The following DOCK10 variants were observed in gnomAD, a reference collection of about 807,000 sequenced individuals.
The protein encoded by DOCK10 is dedicator of cytokinesis protein 10.
A neutral mutation model predicts 280.1 loss-of-function variants in DOCK10; 145 were observed. The ratio of observed to expected loss-of-function variants is 0.52; its 90% confidence interval spans 0.45 to 0.59. The LOEUF is 0.59. DOCK10 is among the 20% of genes least tolerant of loss of function. The pLI, the probability that DOCK10 is intolerant of heterozygous loss-of-function variation, is 0.00. For missense variants in DOCK10, 2,368 were observed against 2,651.7 expected (o/e 0.89, Z 2.35); for synonymous variants, 915 against 942.2 (o/e 0.97, Z 0.53).
rs150523246 is a variant in DOCK10, at chr2:224,872,069, C to G, written c.1257+1927G>C. On this transcript the variant is annotated intron_variant, in intron 11 of 55. Coordinates refer to ENST00000258390, the MANE Select transcript of DOCK10 (RefSeq NM_014689.3). ...AACCTGACTTCAACTACTTTCATTTCTACTCACACCTAGTACACAGTCAAA... is the reference window on the plus strand; with the variant it reads ...AACCTGACTTCAACTACTTTCATTTGTACTCACACCTAGTACACAGTCAAA... 5.7e-4 allele frequency among the ~76,000 whole-genome samples: 87 copies of G among 152,230 alleles called. 1 individual carries two copies. Among genetic ancestry groups the G allele is most frequent in the Non-Finnish European group, 1.1e-3 (76 of 68,010 alleles).
chr2:224,950,518 C>T (rs80069106), intron 1 of DOCK10, among the ~76,000 whole-genome samples: 6,074 of 152,172 alleles, frequency 0.04, 398 homozygotes, highest in African/African-American at 0.14. Context: ...CTGAGCCCAC[C>T]GTCTTAGCCA....
chr2:224,946,442 A>G (rs1703424338), intron 1 of DOCK10, among the ~76,000 whole-genome samples: 1 of 152,190 alleles, frequency 6.6e-6, no homozygotes, highest in Non-Finnish European at 1.5e-5. Flanking sequence ...ATATGATAAA[A>G]TAGAGCAATG....
At chr2:224,960,768 T>C (rs1010960215) in intron 1 of DOCK10, among the ~76,000 whole-genome samples, 1 of 140,816 alleles carries the variant, frequency 7.1e-6, no homozygotes. Context: ...GAGATGGAGT[T>C]TCGCTCTGTC....
rs1200537905 is a variant in DOCK10, at chr2:224,856,952, C to T, written c.1716G>A (p.Val572=). 1 of 1,611,870 alleles carries T rather than the reference C, an allele frequency of 6.2e-7. No homozygotes were observed. The highest frequency in any genetic ancestry group is 8.5e-7 in the Non-Finnish European group (1 of 1,178,682). Residue 572 remains valine, a synonymous_variant, in exon 15 of 56, where the codon GTG becomes GTA. Transcript: ENST00000258390. ...ATGGTGAAAATCTTGAGTCTCTGTC[C>T]ACATTTCCCTGGTTGTCCTTAAATA... ...RSVFKDNQGN[V]DRDSRFSPLF...
intron 27 of DOCK10, among the ~76,000 whole-genome samples, chr2:224,830,080 C>G (rs112584015): frequency 7.2e-5 from 11 of 152,206 alleles, no homozygotes; most frequent in East Asian, 1.9e-4. Flanking sequence ...TACCCTCCCC[C>G]CAGGCTGCTC....
At chr2:224,891,419 A>G (rs866510860) in intron 4 of DOCK10, among the ~76,000 whole-genome samples, 1 of 152,310 alleles carries the variant, frequency 6.6e-6, no homozygotes, top group South Asian at 2.1e-4. Context: ...TTTCCCTGAT[A>G]TTTTTGAAGA....
intron 2 of DOCK10, among the ~76,000 whole-genome samples, chr2:224,924,620 G>T (rs1391559029): frequency 2.6e-5 from 4 of 152,098 alleles, no homozygotes; most frequent in Non-Finnish European, 5.9e-5. Flanking sequence ...GATTATTTGG[G>T]TTATTCTCAT....
chr2:224,842,388 T>C (rs987677922), intron 22 of DOCK10, among the ~76,000 whole-genome samples: 1 of 152,224 alleles, frequency 6.6e-6, no homozygotes, highest in Non-Finnish European at 1.5e-5. Flanking sequence ...GAACTGACTA[T>C]AACACTTGAA....
chr2:224,804,572 G>A (rs1056255389), intron 38 of DOCK10, among the ~76,000 whole-genome samples: 12 of 151,360 alleles, frequency 7.9e-5, no homozygotes, highest in East Asian at 7.8e-4. Context: ...AAAAATTTGT[G>A]TTTTTGTGCT....
chr2:224,819,563 T>TAA (rs201384029), intron 28 of DOCK10, 34 bp from the exon 29 acceptor site: 48,566 of 1,385,162 alleles, frequency 0.035, 1,371 homozygotes, highest in African/African-American at 0.13. Flanking sequence ...TTAAACACTT[T>TAA]TACTTGAAGA....
intron 1 of DOCK10, among the ~76,000 whole-genome samples, chr2:224,977,164 G>A (rs1210056293): frequency 6.6e-6 from 1 of 152,146 alleles, no homozygotes; most frequent in Non-Finnish European, 1.5e-5. Flanking sequence ...AGCCATATTT[G>A]GCTTGCTGTA....
chr2:224,921,944 A>AAAAATAAAAT (rs965338699), intron 2 of DOCK10, among the ~76,000 whole-genome samples: 3 of 151,980 alleles, frequency 2.0e-5, no homozygotes. Context: ...TACTAAAAAT[A>AAAAATAAAAT]AAAATAAAAT....
chr2:224,849,424 G>C, intron 19 of DOCK10, 83 bp downstream of exon 19: 1 of 938,716 alleles, frequency 1.1e-6, no homozygotes. Flanking sequence ...GGTCTAGAGA[G>C]AGTGTTTTTC....
chr2:224,843,700 A>G (rs899416900), intron 22 of DOCK10, among the ~76,000 whole-genome samples: 1 of 152,224 alleles, frequency 6.6e-6, no homozygotes, highest in Admixed American at 6.5e-5. Context: ...GGAGAAATAC[A>G]TATTTTATGT....
intron 1 of DOCK10, among the ~76,000 whole-genome samples, chr2:225,040,815 G>C (rs1690399318): frequency 6.6e-6 from 1 of 152,166 alleles, no homozygotes; most frequent in African/African-American, 2.4e-5. Context: ...ACTGTGTGGA[G>C]ATTTTCTTAT....
chr2:224,946,913 A>T, intron 1 of DOCK10: 1 of 1,544,652 alleles, frequency 6.5e-7, no homozygotes, highest in Non-Finnish European at 8.7e-7. Flanking sequence ...TCCAAAATTC[A>T]CTGGGCTCCC....
Position 224,800,248 on chromosome 2 carries a change from A to C in DOCK10, c.4409T>G (p.Ile1470Arg), listed in dbSNP as rs1204562500. The change falls in exon 41 of 56, where the codon ATA (isoleucine) becomes AGA (arginine). Residue 1470 changes from isoleucine to arginine, a missense_variant. By Grantham distance (97) the Ile-to-Arg change is moderately conservative. This residue lies in a region of DOCK10 where 1,159 missense variants were observed against 1,400.8 expected (regional missense o/e 0.83). Transcript: ENST00000258390. ...AGTGTCTACATGATGCACGATGTCT[A>C]TTTCATTGGAGTTGCCTATAAAATA... ...DNTMTSNSNE[I>R]DIVHHVDTEA... 2 of 1,609,252 alleles carry C rather than the reference A, an allele frequency of 1.2e-6. No individual in the cohort carries two copies. The highest frequency in any genetic ancestry group is 3.3e-5 in the Admixed American group (2 of 59,742).
chr2:224,862,587 A>C, intron 14 of DOCK10, 77 bp downstream of exon 14: 1 of 1,222,300 alleles, frequency 8.2e-7, no homozygotes, highest in Non-Finnish European at 1.2e-6. Context: ...TAGGCAACAC[A>C]AAAACGTTCA....
At chr2:225,023,192 C>A (rs1465234476) in intron 1 of DOCK10, among the ~76,000 whole-genome samples, 1 of 152,074 alleles carries the variant, frequency 6.6e-6, no homozygotes, top group Non-Finnish European at 1.5e-5. Context: ...CCCACCACCA[C>A]GCCTGGCTGA....
Sources: allele counts gnomAD v4.1 joint callset (sites outside exome capture counted in the v4.1 genomes callset), GRCh38; gene constraint gnomAD v4.1.1; regional missense constraint gnomAD v4.1.1; transcripts MANE v1.5; gene names NCBI Gene and HGNC (gene_info 2026-07-23, HGNC 2026-07-21).